Variants in CD99L2 observed in about 807,000 individuals in gnomAD.
CD99L2 encodes CD99 molecule like 2.
In CD99L2, 24 loss-of-function variants were observed where a neutral mutation model predicts 27.3. The observed-to-expected ratio is 0.88, with a 90% confidence interval of 0.64 to 1.24. CD99L2 has a LOEUF of 1.24. Ranked by LOEUF, CD99L2 falls within the 50% of genes most tolerant of loss-of-function variation. The pLI is 0.00. For missense variants in CD99L2, 255 were observed against 221.6 expected (o/e 1.15, Z -0.96); for synonymous variants, 97 against 87.9 (o/e 1.10, Z -0.58).
rs368100797 is a variant in CD99L2 at position 150,818,201 on chromosome X, G to GATATAT, written c.131-2129_131-2124dup. Among the ~76,000 whole-genome samples the GATATAT allele has an allele frequency of 5.1e-3, 443 of 86,226 alleles. 8 individuals are homozygous for GATATAT. Among genetic ancestry groups the GATATAT allele is most frequent in the Non-Finnish European group, 8.0e-3 (358 of 44,890 alleles). The allele number at this position is 86,226 out of a possible 115,157, so 74.9% of individuals were successfully genotyped here. A position where few individuals can be genotyped will look rare whatever the true frequency, so the allele number is the denominator to read the frequency against. Reference sequence around the variant, plus strand: ...CAATCACAGAAGAAACAAGTAGGCAGATATATATATATATATATATATGAC... The same window carrying GATATAT: ...CAATCACAGAAGAAACAAGTAGGCAGATATATATATATATATATATATATATATGAC... On this transcript the variant is annotated intron_variant, in intron 2 of 10. Transcript: ENST00000370377.
intron 1 of CD99L2, among the ~76,000 whole-genome samples, chrX:150,834,495 CAAAACAAAACA>C (rs2046496433): frequency 9.0e-6 from 1 of 111,426 alleles, no homozygotes; most frequent in Non-Finnish European, 1.9e-5. Context: ...CATCTCCAAA[CAAAACAAAACA>C]AAAACAAAAA....
At chrX:150,777,761 AG>A (rs782566411) in intron 7 of CD99L2, among the ~76,000 whole-genome samples, 4 of 111,406 alleles carry the variant, frequency 3.6e-5, no homozygotes, top group Non-Finnish European at 7.5e-5. Flanking sequence ...CTTTAGACAC[AG>A]TATTCTATTT....
Position 150,771,783 on chromosome X carries a change from G to A in CD99L2, c.656-1414C>T, listed in dbSNP as rs1433290616. On this transcript the variant is annotated intron_variant, in intron 9 of 10. Coordinates refer to ENST00000370377, the MANE Select transcript of CD99L2 (RefSeq NM_031462.4). ...ATCAAGGCTGAAGCAAAAGGAAAGT[G>A]AGGAAGGCAAAGCAGCGTTACCTTG... 4 of 1,153,694 alleles carry A rather than the reference G, an allele frequency of 3.5e-6. No individual in the cohort carries two copies. The African/African-American group carries it at 5.4e-5, about 15-fold the overall frequency.
At chrX:150,856,860 G>C (rs782496657) in intron 1 of CD99L2, among the ~76,000 whole-genome samples, 5 of 110,338 alleles carry the variant, frequency 4.5e-5, no homozygotes, top group Non-Finnish European at 7.6e-5. Context: ...TCAAAACAAA[G>C]AAATCAGTAA....
In CD99L2 at chrX:150,859,250, C is replaced by T. The variant is rs1161794752; in HGVS notation, c.68-27957G>A. The stretch of plus-strand genomic sequence containing the variant: ...GTGCGGTGGCTCACGCCTGTAATCC[C>T]AGCACTTTGGGAGGCCGAGGCAGGT... On this transcript the variant is annotated intron_variant, in intron 1 of 10. Transcript: ENST00000370377. 9.0e-5 allele frequency among the ~76,000 whole-genome samples: 10 copies of T among 111,534 alleles called. No individual in the cohort carries two copies. In the Admixed American group the frequency reaches 9.5e-4, roughly 11 times the overall value.
intron 1 of CD99L2, among the ~76,000 whole-genome samples, chrX:150,888,018 T>TAAATGATGGCTGCGGCAGTTTC (rs1241425318): frequency 2.7e-4 from 30 of 111,902 alleles, no homozygotes; most frequent in Middle Eastern, 4.6e-3. Flanking sequence ...GCGGCAGTTT[T>TAAATGATGGCTGCGGCAGTTTC]AAATGATGGC....
chrX:150,802,929 T>C (rs1408866442), intron 4 of CD99L2, among the ~76,000 whole-genome samples: 59 of 78,992 alleles, frequency 7.5e-4, no homozygotes, highest in Non-Finnish European at 1.3e-3. Flanking sequence ...AGAGTCTCAC[T>C]TTGTCGCCCA....
At chrX:150,772,629 G>A (rs1012647009) in intron 9 of CD99L2, among the ~76,000 whole-genome samples, 3 of 113,067 alleles carry the variant, frequency 2.7e-5, no homozygotes, top group South Asian at 3.5e-4. Flanking sequence ...CTGGAGGAGC[G>A]TGAGGTGTGG....
chrX:150,847,916 G>C (rs1456360242), intron 1 of CD99L2, among the ~76,000 whole-genome samples: 2 of 110,800 alleles, frequency 1.8e-5, no homozygotes, highest in Non-Finnish European at 3.8e-5. Flanking sequence ...CTTTCCCCTG[G>C]ACAGCCACAA....
chrX:150,893,864 T>C (rs1370002799), intron 1 of CD99L2, among the ~76,000 whole-genome samples: 2 of 109,814 alleles, frequency 1.8e-5, no homozygotes, highest in Admixed American at 2.0e-4. Context: ...TACAAGCGTG[T>C]ACCACCATGC....
At chrX:150,889,854 T>G (rs1557422729) in intron 1 of CD99L2, among the ~76,000 whole-genome samples, 1 of 112,539 alleles carries the variant, frequency 8.9e-6, no homozygotes, top group African/African-American at 3.2e-5. Flanking sequence ...TTCTTTTACT[T>G]TCTTAATAAA....
intron 4 of CD99L2, among the ~76,000 whole-genome samples, chrX:150,800,482 G>T (rs782508147): frequency 9.0e-6 from 1 of 111,241 alleles, no homozygotes; most frequent in Non-Finnish European, 1.9e-5. Flanking sequence ...TATTTACATA[G>T]CATTATATTG....
chrX:150,816,276 C>T, intron 2 of CD99L2, 198 bp from the exon 3 acceptor site: 1 of 424,299 alleles, frequency 2.4e-6, no homozygotes, highest in Non-Finnish European at 4.1e-6. Context: ...GAGTTCTGCT[C>T]ACTTTTCTTT....
Position 150,785,052 on chromosome X carries a change from G to T in CD99L2, c.497-7570C>A, listed in dbSNP as rs998396075. Among the ~76,000 whole-genome samples, 4 of 110,904 alleles carry T rather than the reference G, an allele frequency of 3.6e-5. No homozygotes were observed. In the Admixed American group the frequency reaches 3.9e-4, roughly 11 times the overall value. ...AGGATGACTGGGAATTTACATGGTG[G>T]AAGGCAAGCAGTTTAGACCGAGGAA... On this transcript the variant is annotated intron_variant, in intron 7 of 10. Coordinates refer to ENST00000370377, the MANE Select transcript of CD99L2 (RefSeq NM_031462.4).
intron 1 of CD99L2, among the ~76,000 whole-genome samples, chrX:150,891,636 G>C (rs2047513614): frequency 2.7e-5 from 3 of 111,959 alleles, no homozygotes; most frequent in African/African-American, 9.7e-5. Flanking sequence ...ATATTCACAG[G>C]TTCCAGAGAT....
intron 4 of CD99L2, among the ~76,000 whole-genome samples, chrX:150,806,617 G>A (rs1345383613): frequency 1.8e-5 from 2 of 112,311 alleles, no homozygotes; most frequent in South Asian, 3.7e-4. Context: ...AAGGCCGGGC[G>A]TGAAGGCTCA....
chrX:150,815,883 A>T (rs1557420467), intron 3 of CD99L2, 124 bp downstream of exon 3: 3 of 665,018 alleles, frequency 4.5e-6, no homozygotes, highest in African/African-American at 4.3e-5. Context: ...CAGTGTTCAC[A>T]TGGATGCCTT....
intron 4 of CD99L2, among the ~76,000 whole-genome samples, chrX:150,807,157 T>C (rs932501781): frequency 9.0e-6 from 1 of 111,035 alleles, no homozygotes; most frequent in Non-Finnish European, 1.9e-5. Context: ...TGTGCTTACC[T>C]CTTAAAGAGA....
At chrX:150,824,335 AAGAAGAAAGAAGG>A (rs1275155621) in intron 2 of CD99L2, among the ~76,000 whole-genome samples, 2 of 97,401 alleles carry the variant, frequency 2.1e-5, no homozygotes, top group African/African-American at 3.9e-5. Context: ...GGAGAAGAAG[AAGAAGAAAGAAGG>A]AAGAAGGAAG....
Sources: allele counts gnomAD v4.1 joint callset (sites outside exome capture counted in the v4.1 genomes callset), GRCh38; gene constraint gnomAD v4.1.1; transcripts MANE v1.5; gene names NCBI Gene and HGNC (gene_info 2026-07-23, HGNC 2026-07-21).